BOD1: variants seen among roughly 807,000 people sequenced by gnomAD.
BOD1 encodes biorientation of chromosomes in cell division protein 1.
In BOD1, 11 loss-of-function variants were observed where a neutral mutation model predicts 15.7. The observed-to-expected ratio is 0.70, with a 90% CI of 0.44 to 1.16. The LOEUF (loss-of-function observed/expected upper bound fraction) is 1.16, where lower values mean the gene tolerates loss of function less well. BOD1 is among the 50% of genes most tolerant of loss of function. BOD1 has a pLI of 0.00. For missense variants in BOD1, 182 were observed against 244.5 expected (o/e 0.74, Z 1.70); for synonymous variants, 105 against 103.5 (o/e 1.01, Z -0.09).
chr5:173,607,146 TAC>T lies in BOD1; in HGVS notation c.*1146_*1147del, dbSNP rs1561722953. Among the ~76,000 whole-genome samples, 1 of 152,020 alleles carries T rather than the reference TAC, an allele frequency of 6.6e-6. No individual in the cohort carries two copies. The highest frequency in any genetic ancestry group is 1.5e-5 in the Non-Finnish European group (1 of 68,006). The stretch of plus-strand genomic sequence containing the variant: ...TGGATATATTATCCAAGGCTTATTA[TAC>T]AGAGTATGTTCAGAGGCCTGGCAGC... On this transcript the variant is annotated 3_prime_UTR_variant, in exon 4 of 4. Transcript: ENST00000311086.
At chr5:173,611,540 A>C (rs983607426) in intron 2 of BOD1, among the ~76,000 whole-genome samples, 2 of 152,112 alleles carry the variant, frequency 1.3e-5, no homozygotes, top group South Asian at 2.1e-4. Flanking sequence ...GGGAAAAAAA[A>C]AAAAACAACA....
Position 173,616,230 on chromosome 5 carries a change from G to T in BOD1, c.207C>A (p.Arg69=). ...TGTCCACGTCGGCCAGGCAGTCCCGGCGGAAGCTGTCAAAAAGGCCCCGGC... is the reference window on the plus strand; with the variant it reads ...TGTCCACGTCGGCCAGGCAGTCCCGTCGGAAGCTGTCAAAAAGGCCCCGGC... ...LKSRGLFDSF[R]RDCLADVDTK... Residue 69 remains arginine (R), a synonymous_variant, in exon 1 of 4, where the codon CGC becomes CGA. Coordinates refer to ENST00000311086, the MANE Select transcript of BOD1 (RefSeq NM_138369.3). 1 of 1,576,246 alleles carries T rather than the reference G, an allele frequency of 6.3e-7. No homozygotes were observed.
In BOD1 at chr5:173,616,389, G is replaced by A. The variant is rs755657387; in HGVS notation, c.48C>T (p.Gly16=). 2.0e-6 allele frequency: 3 copies of A among 1,519,758 alleles called. No individual in the cohort carries two copies. Among genetic ancestry groups the A allele is most frequent in the Non-Finnish European group, 2.6e-6 (3 of 1,142,572 alleles). The allele number at this position is 1,519,758 out of a possible 1,614,324, so 94.1% of individuals were successfully genotyped here. The change falls in exon 1 of 4, where the codon GGC becomes GGT. Residue 16 remains glycine, a synonymous_variant. Coordinates refer to ENST00000311086, the MANE Select transcript of BOD1 (RefSeq NM_138369.3). The part of the protein sequence containing the change: ...GGGGTGAVGG[G]GTSQASAGAA... ...CCCCGGCAGAGGCCTGGCTAGTTCC[G>A]CCGCCGCCCACCGCGCCAGTTCCCC... is the stretch of plus-strand genomic sequence containing the variant.
intron 2 of BOD1, among the ~76,000 whole-genome samples, chr5:173,611,513 A>T (rs1284390231): frequency 6.6e-6 from 1 of 152,090 alleles, no homozygotes; most frequent in Non-Finnish European, 1.5e-5. Flanking sequence ...ACACATTCTA[A>T]GTCAAATCAA....
In BOD1 at chr5:173,607,239, C is replaced by A. The variant is rs977136445; in HGVS notation, c.*1055G>T. ...AGGTCCCACCCCAGAACTTCTTAAT[C>A]AGAAATATGCATTTTCCCTTAAATC... On this transcript the variant is annotated 3_prime_UTR_variant, in exon 4 of 4. Coordinates refer to ENST00000311086, the MANE Select transcript of BOD1 (RefSeq NM_138369.3). 1.3e-5 allele frequency among the ~76,000 whole-genome samples: 2 copies of A among 152,178 alleles called. No homozygotes were observed. Among genetic ancestry groups the A allele is most frequent in the Non-Finnish European group, 2.9e-5 (2 of 68,024 alleles).
At position 173,616,642 on chromosome 5, in the gene BOD1, G is replaced by A; in HGVS notation, c.-206C>T. The A allele has an allele frequency of 7.6e-7, 1 of 1,309,372 alleles. No individual in the cohort carries two copies. The highest frequency in any genetic ancestry group is 4.2e-5 in the Admixed American group (1 of 23,840). The allele number at this position is 1,309,372 out of a possible 1,614,324, so 81.1% of individuals were successfully genotyped here. On this transcript the variant is annotated 5_prime_UTR_variant, in exon 1 of 4. Transcript: ENST00000311086. The stretch of plus-strand genomic sequence containing the variant: ...ATACAGCAGAGGTTGTGGTGGACGC[G>A]GCAGAAACGGCCTGCTCGATTCCAG...
chr5:173,616,277 G>C lies in BOD1; in HGVS notation c.160C>G (p.Leu54Val), dbSNP rs1755495675. The C allele has an allele frequency of 1.3e-6, 2 of 1,556,210 alleles. No individual in the cohort carries two copies. The highest frequency in any genetic ancestry group is 1.7e-6 in the Non-Finnish European group (2 of 1,152,454). Residue 54 changes from leucine to valine, a missense_variant, in exon 1 of 4, where the codon CTC becomes GTC. Leu to Val is a conservative substitution (Grantham distance 32). This residue lies in a region of BOD1 where 70 missense variants were observed against 130.3 expected (regional missense o/e 0.54). Coordinates refer to ENST00000311086, the MANE Select transcript of BOD1 (RefSeq NM_138369.3). ...LPPGDPQLIA[L>V]IVEQLKSRGL... is the part of the protein sequence containing the mutation. ...CGGCTCTTGAGCTGCTCCACGATGA[G>C]AGCGATGAGCTGCGGGTCGCCGGGA...
Position 173,608,133 on chromosome 5 carries a change from C to CG in BOD1, c.*160dup. ...GTGACACGGTCAACTCTCCCACTGC[C>CG]GAACTTGCTCCCCTTTCAATCTGGT... On this transcript the variant is annotated 3_prime_UTR_variant, in exon 4 of 4. Coordinates refer to ENST00000311086, the MANE Select transcript of BOD1 (RefSeq NM_138369.3). 4.9e-6 allele frequency: 3 copies of CG among 616,964 alleles called. No individual in the cohort carries two copies. Among genetic ancestry groups the CG allele is most frequent in the Non-Finnish European group, 5.4e-6 (2 of 367,784 alleles). 38.2% of individuals were successfully genotyped at this position (616,964 alleles called of 1,614,324 possible). A position where few individuals can be genotyped will look rare whatever the true frequency, so the allele number is the denominator to read the frequency against.
rs769176350 is a variant in BOD1 at position 173,609,281 on chromosome 5, G to C, written c.516C>G (p.Pro172=). 1 of 1,614,162 alleles carries C rather than the reference G, an allele frequency of 6.2e-7. No individual in the cohort carries two copies. The change falls in exon 3 of 4, where the codon CCC becomes CCG. Residue 172 remains proline (P), a synonymous_variant. Coordinates refer to ENST00000311086, the MANE Select transcript of BOD1 (RefSeq NM_138369.3). ...ATGGAGCTGGAGGGTCCTGGCCTTC[G>C]GGCTCTGGAGGGGGTGCTGGCACAG... is the stretch of plus-strand genomic sequence containing the variant. ...KAAVPAPPPE[P]EGQDPPAPSQ...
At chr5:173,611,366 C>T (rs561966522) in intron 2 of BOD1, among the ~76,000 whole-genome samples, 16 of 152,332 alleles carry the variant, frequency 1.1e-4, no homozygotes, top group African/African-American at 3.8e-4. Flanking sequence ...GCAGTGTCCA[C>T]CTGGGGAGAG....
In BOD1 at chr5:173,616,460, G is replaced by A; in HGVS notation, c.-24C>T. 6.4e-7 allele frequency: 1 copy of A among 1,560,142 alleles called. No homozygotes were observed. Among genetic ancestry groups the A allele is most frequent in the Non-Finnish European group, 8.6e-7 (1 of 1,164,656 alleles). ...ATGGCTGCGCCCCGGGCCCACAAGGGAGAACGACTATAGCTTCTTCTCCAG... is the reference window on the plus strand; with the variant it reads ...ATGGCTGCGCCCCGGGCCCACAAGGAAGAACGACTATAGCTTCTTCTCCAG... On this transcript the variant is annotated 5_prime_UTR_variant, in exon 1 of 4. Transcript: ENST00000311086.
At chr5:173,613,281 G>C (rs1354761998) in intron 1 of BOD1, 26 bp from the exon 2 acceptor site, 1 of 1,612,228 alleles carries the variant, frequency 6.2e-7, no homozygotes, top group Non-Finnish European at 8.5e-7. Flanking sequence ...GAGGAGGCAA[G>C]GTCAGAAGTT....
chr5:173,610,974 C>T (rs537441125), intron 2 of BOD1, among the ~76,000 whole-genome samples: 11 of 152,182 alleles, frequency 7.2e-5, no homozygotes, highest in Non-Finnish European at 1.5e-4. Context: ...CTGAACCTGA[C>T]CATGCTGGCA....
Position 173,616,301 on chromosome 5 carries a change from G to A in BOD1, c.136C>T (p.Pro46Ser), listed in dbSNP as rs776645383. 3.2e-6 allele frequency: 5 copies of A among 1,541,774 alleles called. No homozygotes were observed. The South Asian group carries it at 4.8e-5, about 15-fold the overall frequency. Reference sequence around the variant, plus strand: ...AGAGCGATGAGCTGCGGGTCGCCGGGAGGCAGCGAGGCCGGGTTGATGGGG... The same window carrying A: ...AGAGCGATGAGCTGCGGGTCGCCGGAAGGCAGCGAGGCCGGGTTGATGGGG... Reference protein sequence around the residue: ...GGPINPASLPPGDPQLIALIV... With the variant: ...GGPINPASLPSGDPQLIALIV... Residue 46 changes from proline (P) to serine (S), a missense_variant, in exon 1 of 4, where the codon CCC becomes TCC. By Grantham distance (74) the Pro-to-Ser change is moderately conservative. This residue lies in a region of BOD1 where 72 missense variants were observed against 68.9 expected (regional missense o/e 1.05). Transcript: ENST00000311086.
rs531280741 is a variant in BOD1 at position 173,612,490 on chromosome 5, T to C, written c.362+641A>G. Among the ~76,000 whole-genome samples, 15 of 152,328 alleles carry C rather than the reference T, an allele frequency of 9.8e-5. No homozygotes were observed. In the East Asian group the frequency reaches 1.7e-3, roughly 18 times the overall value. On this transcript the variant is annotated intron_variant, in intron 2 of 3. Coordinates refer to ENST00000311086, the MANE Select transcript of BOD1 (RefSeq NM_138369.3). The stretch of plus-strand genomic sequence containing the variant: ...CACCATTGCAAGCTCCCCCTTGTGC[T>C]ACCACTTGCAAGTCACACTCACCCC...
chr5:173,616,366 C>G lies in BOD1; in HGVS notation c.71G>C (p.Gly24Ala), dbSNP rs751187603. 4.6e-6 allele frequency: 7 copies of G among 1,528,280 alleles called. No individual in the cohort carries two copies. Among genetic ancestry groups the G allele is most frequent in the Non-Finnish European group, 6.1e-6 (7 of 1,144,354 alleles). 94.7% of individuals were successfully genotyped at this position (1,528,280 alleles called of 1,614,324 possible). ...GGCCCCAGTAGCGCCAGTCGCTGCC[C>G]CGGCAGAGGCCTGGCTAGTTCCGCC... Reference protein sequence around the residue: ...GGGGTSQASAGAATGATGASG... With the variant: ...GGGGTSQASAAAATGATGASG... Residue 24 changes from glycine to alanine, a missense_variant, in exon 1 of 4, where the codon GGG becomes GCG. By Grantham distance (60) the Gly-to-Ala change is moderately conservative. Around this residue, in one of 3 missense-constraint regions of BOD1, gnomAD observed 72 missense variants for 68.9 expected, o/e 1.05. Transcript: ENST00000311086.
chr5:173,615,975 G>A (rs1046422841), intron 1 of BOD1, among the ~76,000 whole-genome samples: 2 of 152,190 alleles, frequency 1.3e-5, no homozygotes, highest in African/African-American at 2.4e-5. Flanking sequence ...CCCCAAGTTC[G>A]GAGAAGGGAC....
chr5:173,613,792 C>T (rs1755418388), intron 1 of BOD1, among the ~76,000 whole-genome samples: 1 of 152,224 alleles, frequency 6.6e-6, no homozygotes, highest in African/African-American at 2.4e-5. Flanking sequence ...AAAGACTCCA[C>T]TAAACCTGGA....
chr5:173,613,543 C>A (rs1365066375), intron 1 of BOD1, among the ~76,000 whole-genome samples: 1 of 152,214 alleles, frequency 6.6e-6, no homozygotes, highest in African/African-American at 2.4e-5. Context: ...TGGACCCACA[C>A]CTGGGCAGCC....
Sources: allele counts gnomAD v4.1 joint callset (sites outside exome capture counted in the v4.1 genomes callset), GRCh38; gene constraint gnomAD v4.1.1; regional missense constraint gnomAD v4.1.1; transcripts MANE v1.5; gene names NCBI Gene and HGNC (gene_info 2026-07-23, HGNC 2026-07-21).